Variants in NPSR1 observed in about 807,000 individuals in gnomAD.
NPSR1 encodes neuropeptide S receptor 1, also known as neuropeptide S receptor.
A neutral mutation model predicts 46.9 loss-of-function variants in NPSR1; 48 were observed. The ratio of observed to expected loss-of-function variants is 1.02; its 90% confidence interval spans 0.81 to 1.30. NPSR1 has a LOEUF of 1.30. NPSR1 is among the 50% of genes most tolerant of loss of function. The pLI, the probability that NPSR1 is intolerant of heterozygous loss-of-function variation, is 0.00. For synonymous variants in NPSR1, 176 were observed against 168.1 expected (o/e 1.05, Z -0.36); for missense variants, 450 against 449.5 (o/e 1.00, Z -0.01).
rs2530547 is a variant in NPSR1, at chr7:34,658,310, C to T, written c.-103C>T. ...GGGCTCAGGGAGGGCTCTGTGCCTC[C>T]GTTCAGCAGAGCTGCAGCTGCTGCC... is the stretch of plus-strand genomic sequence containing the variant. On this transcript the variant is annotated 5_prime_UTR_variant, in exon 1 of 9. Coordinates refer to ENST00000360581, the MANE Select transcript of NPSR1 (RefSeq NM_207172.2). 0.39 allele frequency: 512,826 copies of T among 1,319,388 alleles called. 105,965 individuals are homozygous for T. The highest frequency in any genetic ancestry group is 0.74 in the African/African-American group (50,428 of 68,034). The allele number at this position is 1,319,388 out of a possible 1,614,324, so 81.7% of individuals were successfully genotyped here.
At chr7:34,783,774 C>T (rs1584011072) in intron 3 of NPSR1, among the ~76,000 whole-genome samples, 1 of 151,592 alleles carries the variant, frequency 6.6e-6, no homozygotes, top group East Asian at 1.9e-4. Flanking sequence ...AGAGAAGAGG[C>T]AAATCACATA....
chr7:34,691,099 C>T (rs1042638832), intron 2 of NPSR1, among the ~76,000 whole-genome samples: 1 of 152,108 alleles, frequency 6.6e-6, no homozygotes, highest in African/African-American at 2.4e-5. Context: ...ACAAATGTGC[C>T]AGCCAAGATT....
intron 2 of NPSR1, among the ~76,000 whole-genome samples, chr7:34,731,806 G>A (rs1290240226): frequency 1.3e-5 from 2 of 151,800 alleles, no homozygotes; most frequent in Non-Finnish European, 2.9e-5. Flanking sequence ...AAAGGAAGGA[G>A]AAATTATAGG....
chr7:34,658,466 G>A lies in NPSR1; in HGVS notation c.54G>A (p.Thr18=), dbSNP rs144511471. Residue 18 remains threonine (T), a synonymous_variant, in exon 1 of 9, where the codon ACG becomes ACA. Transcript: ENST00000360581. Reference sequence around the variant, plus strand: ...TCGATTCCAGTGGGACCGGGCAGACGCTGGATTCTTCCCCAGTGGCTTGCA... The same window carrying A: ...TCGATTCCAGTGGGACCGGGCAGACACTGGATTCTTCCCCAGTGGCTTGCA... ...GSFDSSGTGQ[T]LDSSPVACTE... is the part of the protein sequence containing the mutation. The A allele has an allele frequency of 1.6e-5, 26 of 1,613,998 alleles. No homozygotes were observed. In the Admixed American group the frequency reaches 3.7e-4, roughly 23 times the overall value.
At chr7:34,670,986 A>G (rs906888295) in intron 1 of NPSR1, among the ~76,000 whole-genome samples, 2 of 152,192 alleles carry the variant, frequency 1.3e-5, no homozygotes, top group Admixed American at 6.5e-5. Context: ...TAGTAATTCT[A>G]CTTGTAGGAT....
intron 2 of NPSR1, among the ~76,000 whole-genome samples, chr7:34,712,739 G>T (rs183546576): frequency 3.7e-4 from 57 of 152,174 alleles, no homozygotes; most frequent in Non-Finnish European, 6.3e-4. Context: ...GTTTAAAAAG[G>T]CTACTTAATT....
intron 8 of NPSR1, among the ~76,000 whole-genome samples, chr7:34,869,801 G>C (rs1329419904): frequency 2.0e-5 from 3 of 151,768 alleles, no homozygotes; most frequent in Admixed American, 6.5e-5. Flanking sequence ...TCTGTGTTCA[G>C]CTCTTCTGCA....
chr7:34,680,510 T>C (rs1335960945), intron 1 of NPSR1, among the ~76,000 whole-genome samples: 1 of 152,138 alleles, frequency 6.6e-6, no homozygotes, highest in Admixed American at 6.5e-5. Context: ...TTAAGATTTG[T>C]TTCTCCCATG....
chr7:34,683,680 G>A (rs576565459), intron 1 of NPSR1, among the ~76,000 whole-genome samples: 11 of 152,172 alleles, frequency 7.2e-5, no homozygotes, highest in Admixed American at 3.9e-4. Flanking sequence ...GAAAGTGAGA[G>A]GGTGAGAGAG....
intron 2 of NPSR1, among the ~76,000 whole-genome samples, chr7:34,746,864 T>C (rs934558066): frequency 6.6e-6 from 1 of 152,106 alleles, no homozygotes; most frequent in African/African-American, 2.4e-5. Context: ...CGGTGACTCT[T>C]GCCTGTAATC....
intron 3 of NPSR1, among the ~76,000 whole-genome samples, chr7:34,794,864 C>A (rs956933248): frequency 2.6e-5 from 4 of 152,030 alleles, no homozygotes; most frequent in Non-Finnish European, 4.4e-5. Flanking sequence ...CATAGCAAGA[C>A]ACTGTACCTA....
At chr7:34,774,859 TTCCTA>T (rs1432538645) in intron 2 of NPSR1, among the ~76,000 whole-genome samples, 1 of 152,156 alleles carries the variant, frequency 6.6e-6, no homozygotes, top group East Asian at 1.9e-4. Context: ...ACCAAAAATA[TTCCTA>T]GATGTGGAAT....
chr7:34,848,569 G>T lies in NPSR1; in HGVS notation c.931G>T (p.Ala311Ser), dbSNP rs764512468. The stretch of plus-strand genomic sequence containing the variant: ...TCCAGACACCCAGGAGCGTTTCTAT[G>T]CCTCTGTGATCATTCAGAACCTGCC... ...LLPDTQERFY[A>S]SVIIQNLPAL... The change falls in exon 8 of 9, where the codon GCC becomes TCC. Residue 311 changes from alanine (A) to serine (S), a missense_variant. Ala to Ser is a moderately conservative substitution (Grantham distance 99). Coordinates refer to ENST00000360581, the MANE Select transcript of NPSR1 (RefSeq NM_207172.2). 6.2e-7 allele frequency: 1 copy of T among 1,614,124 alleles called. No individual in the cohort carries two copies. Among genetic ancestry groups the T allele is most frequent in the Non-Finnish European group, 8.5e-7 (1 of 1,180,010 alleles).
At position 34,751,586 on chromosome 7, in the gene NPSR1, C is replaced by T. The variant is rs894243399; in HGVS notation, c.281-26876C>T. The T allele has an allele frequency of 1.6e-5, 25 of 1,601,432 alleles. No individual in the cohort carries two copies. In the African/African-American group the frequency reaches 3.3e-4, roughly 21 times the overall value. On this transcript the variant is annotated intron_variant, in intron 2 of 8. Coordinates refer to ENST00000360581, the MANE Select transcript of NPSR1 (RefSeq NM_207172.2). Reference sequence around the variant, plus strand: ...TCTTTGGTCTTGTGCTCCTGTTCTTCCCGGAGAACTCGGCGCTGACAGAGC... The same window carrying T: ...TCTTTGGTCTTGTGCTCCTGTTCTTTCCGGAGAACTCGGCGCTGACAGAGC...
chr7:34,767,029 A>C (rs1786468823), intron 2 of NPSR1, among the ~76,000 whole-genome samples: 1 of 152,238 alleles, frequency 6.6e-6, no homozygotes, highest in African/African-American at 2.4e-5. Flanking sequence ...GGGATAGCAC[A>C]AGGGAATTTC....
chr7:34,769,719 C>A (rs931143834), intron 2 of NPSR1, among the ~76,000 whole-genome samples: 4 of 152,180 alleles, frequency 2.6e-5, no homozygotes, highest in African/African-American at 9.7e-5. Context: ...CTTGTCCACC[C>A]GCTTTTGTGC....
intron 2 of NPSR1, among the ~76,000 whole-genome samples, chr7:34,688,414 A>C (rs762279102): frequency 1.4e-4 from 21 of 152,216 alleles, no homozygotes; most frequent in Non-Finnish European, 7.3e-5. Flanking sequence ...ACTGTTGCTC[A>C]TCTGTTTAGA....
chr7:34,747,254 G>A (rs1388526241), intron 2 of NPSR1, among the ~76,000 whole-genome samples: 2 of 152,044 alleles, frequency 1.3e-5, no homozygotes, highest in African/African-American at 4.8e-5. Flanking sequence ...AAGGGCATCT[G>A]TAACCCACCC....
At chr7:34,687,615 C>T (rs754443860) in intron 2 of NPSR1, among the ~76,000 whole-genome samples, 1 of 152,200 alleles carries the variant, frequency 6.6e-6, no homozygotes, top group African/African-American at 2.4e-5. Context: ...AAACCGCCCT[C>T]ATGATCCAAT....
Sources: gnomAD v4.1 joint callset for allele counts (sites outside exome capture counted in the v4.1 genomes callset) on GRCh38, gnomAD v4.1.1 for gene constraint, MANE v1.5 for transcripts, NCBI Gene and HGNC (gene_info 2026-07-23, HGNC 2026-07-21) for gene names.